PDE4D: variants seen among roughly 807,000 people sequenced by gnomAD.
PDE4D encodes phosphodiesterase 4D, also known as 3',5'-cyclic-AMP phosphodiesterase 4D.
Under a neutral mutation model 87.4 loss-of-function variants are expected in PDE4D, and 24 were observed. The observed-to-expected ratio is 0.27, with a 90% CI of 0.20 to 0.39. The LOEUF (loss-of-function observed/expected upper bound fraction) is 0.39. Among genes scored for constraint, PDE4D ranks in the 10% least tolerant of loss-of-function variants. The probability of loss-of-function intolerance (pLI) is 1.00; values close to 1 mark genes in which losing one functional copy is unlikely to be tolerated. For synonymous variants in PDE4D, 384 were observed against 383.2 expected (o/e 1.00, Z -0.02); for missense variants, 714 against 1,041.0 (o/e 0.69, Z 4.32).
chr5:60,215,015 C>T (rs116345482), intron 1 of PDE4D, among the ~76,000 whole-genome samples: 4,131 of 152,190 alleles, frequency 0.027, 199 homozygotes, highest in African/African-American at 0.094. Context: ...ACTGATGCAA[C>T]GTTGCTACCA....
At chr5:59,208,327 T>C (rs914014870) in intron 2 of PDE4D, among the ~76,000 whole-genome samples, 8 of 152,250 alleles carry the variant, frequency 5.3e-5, no homozygotes, top group Non-Finnish European at 1.2e-4. Flanking sequence ...ATATGTTTGG[T>C]CAGTTTTCAC....
At chr5:58,982,690 TAGCAATAGTCATAGCC>T (rs1409995918) in intron 11 of PDE4D, among the ~76,000 whole-genome samples, 2 of 152,122 alleles carry the variant, frequency 1.3e-5, no homozygotes, top group Non-Finnish European at 2.9e-5. Flanking sequence ...ATTGCGCACT[TAGCAATAGTCATAGCC>T]AGGTCAGCCT....
intron 1 of PDE4D, among the ~76,000 whole-genome samples, chr5:59,621,751 G>C (rs1561343916): frequency 6.6e-6 from 1 of 152,156 alleles, no homozygotes; most frequent in East Asian, 1.9e-4. Context: ...CTGGCAGTGA[G>C]GCATCCAAAT....
chr5:59,804,390 T>C (rs1192216255), intron 1 of PDE4D, among the ~76,000 whole-genome samples: 1 of 152,232 alleles, frequency 6.6e-6, no homozygotes, highest in Non-Finnish European at 1.5e-5. Flanking sequence ...CCATAGGGCA[T>C]ATATACCACA....
intron 1 of PDE4D, among the ~76,000 whole-genome samples, chr5:59,409,537 C>A (rs984915734): frequency 8.5e-5 from 13 of 152,188 alleles, no homozygotes; most frequent in Non-Finnish European, 1.5e-4. Flanking sequence ...TGAATGAGCT[C>A]TCTGAGATCT....
intron 1 of PDE4D, among the ~76,000 whole-genome samples, chr5:59,737,431 G>GA (rs1479306437): frequency 6.6e-6 from 1 of 151,868 alleles, no homozygotes; most frequent in Non-Finnish European, 1.5e-5. Context: ...AAATTTGAAA[G>GA]AAAAAAATTG....
At chr5:60,520,547 C>A (rs1218435958) in intron 1 of PDE4D, among the ~76,000 whole-genome samples, 1 of 152,222 alleles carries the variant, frequency 6.6e-6, no homozygotes, top group African/African-American at 2.4e-5. Flanking sequence ...TCTTGTGAGT[C>A]CAGAAAAGAG....
chr5:59,794,468 G>C (rs1766222488), intron 1 of PDE4D, among the ~76,000 whole-genome samples: 2 of 151,930 alleles, frequency 1.3e-5, no homozygotes, highest in Non-Finnish European at 1.5e-5. Context: ...AGCCTGCGAG[G>C]GCTGCCTCCC....
At position 60,174,871 on chromosome 5, in the gene PDE4D, A is replaced by C. The variant is rs553799880; in HGVS notation, c.42+10686T>G. Among the ~76,000 whole-genome samples the C allele has an allele frequency of 1.4e-4, 21 of 152,184 alleles. No homozygotes were observed. The East Asian group carries it at 3.9e-3, about 28-fold the overall frequency. The stretch of plus-strand genomic sequence containing the variant: ...TATGTTGTTGATTTTTAGCAATTTC[A>C]ATATAACATGACTCTGCACGTGTGT... On this transcript the variant is annotated intron_variant, in intron 2 of 16. Transcript: ENST00000502484.
chr5:59,867,488 AGG>A (rs955542789), intron 1 of PDE4D, among the ~76,000 whole-genome samples: 3 of 152,190 alleles, frequency 2.0e-5, no homozygotes, highest in African/African-American at 7.2e-5. Context: ...TAGTCATGTG[AGG>A]GTAAGTTTGG....
At chr5:59,376,811 G>A (rs1269626566) in intron 1 of PDE4D, among the ~76,000 whole-genome samples, 2 of 151,910 alleles carry the variant, frequency 1.3e-5, no homozygotes, top group African/African-American at 4.8e-5. Flanking sequence ...TAACCAAAAC[G>A]GCATGGTACT....
chr5:59,386,920 T>G (rs1414563991), intron 1 of PDE4D, among the ~76,000 whole-genome samples: 5 of 152,154 alleles, frequency 3.3e-5, no homozygotes, highest in African/African-American at 1.2e-4. Flanking sequence ...TAACTCTGTT[T>G]CAGGTGAGTG....
intron 1 of PDE4D, among the ~76,000 whole-genome samples, chr5:59,368,970 T>C (rs2090040583): frequency 6.6e-6 from 1 of 152,212 alleles, no homozygotes; most frequent in Admixed American, 6.5e-5. Context: ...TGCCCCTCCA[T>C]AACCGCTACA....
intron 1 of PDE4D, among the ~76,000 whole-genome samples, chr5:60,283,547 T>C (rs1246793143): frequency 6.6e-6 from 1 of 152,194 alleles, no homozygotes; most frequent in Non-Finnish European, 1.5e-5. Context: ...TAAAAAATGG[T>C]AACATTTTTC....
chr5:59,392,377 G>C (rs1273524436), intron 1 of PDE4D, among the ~76,000 whole-genome samples: 3 of 151,974 alleles, frequency 2.0e-5, no homozygotes, highest in Non-Finnish European at 4.4e-5. Context: ...TGGACTCCAA[G>C]TTCTTCAGTT....
intron 1 of PDE4D, among the ~76,000 whole-genome samples, chr5:59,716,360 C>T (rs1755026024): frequency 6.6e-6 from 1 of 152,214 alleles, no homozygotes; most frequent in South Asian, 2.1e-4. Context: ...TCTACAGTTC[C>T]TCACGTGTTT....
chr5:59,375,417 C>A (rs969687098), intron 1 of PDE4D, among the ~76,000 whole-genome samples: 5 of 152,136 alleles, frequency 3.3e-5, no homozygotes, highest in Admixed American at 3.3e-4. Context: ...CACCTTTATG[C>A]ACATAAACTA....
At chr5:60,027,901 C>T (rs1766804729) in intron 2 of PDE4D, among the ~76,000 whole-genome samples, 1 of 152,152 alleles carries the variant, frequency 6.6e-6, no homozygotes, top group African/African-American at 2.4e-5. Context: ...TGAGTTAAAA[C>T]TTTCGTGTCC....
intron 1 of PDE4D, among the ~76,000 whole-genome samples, chr5:59,854,547 C>A (rs1008128102): frequency 7.2e-5 from 11 of 151,974 alleles, no homozygotes; most frequent in African/African-American, 2.7e-4. Flanking sequence ...GGGTATCACC[C>A]TAAACATCCA....
Sources: allele counts gnomAD v4.1 joint callset (sites outside exome capture counted in the v4.1 genomes callset), GRCh38; gene constraint gnomAD v4.1.1; transcripts MANE v1.5; gene names NCBI Gene and HGNC (gene_info 2026-07-23, HGNC 2026-07-21).